The following HDLBP variants were observed in gnomAD, a reference collection of about 807,000 sequenced individuals.
The protein encoded by HDLBP is high density lipoprotein binding protein.
HDLBP carries 30 observed loss-of-function variants against 137.3 expected under a neutral mutation model. That is an observed-to-expected ratio of 0.22 (90% CI 0.16 to 0.30). The LOEUF (loss-of-function observed/expected upper bound fraction) is 0.30, where lower values mean the gene tolerates loss of function less well. HDLBP is among the 10% of genes least tolerant of loss of function. The pLI, the probability that HDLBP is intolerant of heterozygous loss-of-function variation, is 1.00. For synonymous variants in HDLBP, 606 were observed against 596.0 expected (o/e 1.02, Z -0.24); for missense variants, 1,119 against 1,667.3 (o/e 0.67, Z 5.73).
intron 2 of HDLBP, chr2:241,267,769 G>A: frequency 6.6e-7 from 1 of 1,512,384 alleles, no homozygotes; most frequent in Non-Finnish European, 8.8e-7. Flanking sequence ...CCCACAAATT[G>A]CGCTAAATGC....
rs371521787 is a variant in HDLBP, at chr2:241,229,682, A to G, written c.3726T>C (p.Pro1242=). Residue 1242 remains proline, a synonymous_variant, in exon 28 of 28, where the codon CCT becomes CCC. Transcript: ENST00000310931. ...GAAATTCCTCAGAGCTGCTCATGTC[A>G]GGAGCCTGTGCAGAGAGAGGACACG... ...PWTASSSEKA[P]DMSSSEEFPS... 3.7e-6 allele frequency: 6 copies of G among 1,614,012 alleles called. No individual in the cohort carries two copies. The African/African-American group carries it at 8.0e-5, about 22-fold the overall frequency.
chr2:241,307,276 G>A (rs977557649), intron 1 of HDLBP, among the ~76,000 whole-genome samples: 4 of 152,184 alleles, frequency 2.6e-5, no homozygotes, highest in African/African-American at 4.8e-5. Context: ...TCTGAAAAAC[G>A]CTTATTTGAA....
intron 4 of HDLBP, 65 bp downstream of exon 4, chr2:241,264,383 A>C: frequency 7.7e-7 from 1 of 1,301,718 alleles, no homozygotes; most frequent in Non-Finnish European, 1.1e-6. Context: ...AAAGAAAAAA[A>C]ATTTAAAAAT....
At chr2:241,301,927 A>C (rs2075408732) in intron 1 of HDLBP, among the ~76,000 whole-genome samples, 1 of 152,048 alleles carries the variant, frequency 6.6e-6, no homozygotes, top group Non-Finnish European at 1.5e-5. Flanking sequence ...CCTCAATTTC[A>C]AAAATGGTAA....
chr2:241,262,335 G>C (rs1559518580), intron 5 of HDLBP, among the ~76,000 whole-genome samples: 1 of 152,144 alleles, frequency 6.6e-6, no homozygotes, highest in African/African-American at 2.4e-5. Flanking sequence ...TGTAATCCCA[G>C]CTAACTGGGA....
chr2:241,241,228 G>GT (rs1559489892), intron 17 of HDLBP, among the ~76,000 whole-genome samples: 2 of 152,120 alleles, frequency 1.3e-5, no homozygotes, highest in South Asian at 2.1e-4. Flanking sequence ...AGAGAGAAAT[G>GT]TAACTGTCCA....
In HDLBP at chr2:241,272,636, G is replaced by A. The variant is rs2074185322; in HGVS notation, c.-102-4095C>T. 2.1e-6 allele frequency: 2 copies of A among 969,972 alleles called. No individual in the cohort carries two copies. The highest frequency in any genetic ancestry group is 2.4e-6 in the Non-Finnish European group (2 of 817,268). 60.1% of individuals were successfully genotyped at this position (969,972 alleles called of 1,614,324 possible). The stretch of plus-strand genomic sequence containing the variant: ...GCCTGGGGCCCGGGTGGGGGCCGCG[G>A]CACCCGGGCCCCTCCCCCTCCGCGG... On this transcript the variant is annotated intron_variant, in intron 1 of 27. Coordinates refer to ENST00000310931, the MANE Select transcript of HDLBP (RefSeq NM_005336.6). This position sits in a 1 kb window ranked among gnomAD's most constrained non-coding sequence, Gnocchi z 5.6.
intron 2 of HDLBP, chr2:241,267,825 G>A: frequency 1.4e-6 from 2 of 1,454,102 alleles, no homozygotes; most frequent in South Asian, 1.4e-5. Flanking sequence ...TCCAGGTGTG[G>A]GACAGAACTC....
intron 1 of HDLBP, chr2:241,279,866 A>G (rs56383420): frequency 0.15 from 147,400 of 969,622 alleles, 12,005 homozygotes; most frequent in Non-Finnish European, 0.16. Flanking sequence ...TAAGAACCTA[A>G]TTGTCAGTGG....
chr2:241,291,041 G>A (rs1220378852), intron 1 of HDLBP, among the ~76,000 whole-genome samples: 2 of 152,192 alleles, frequency 1.3e-5, no homozygotes, highest in East Asian at 3.9e-4. Context: ...ATCTGCAGGA[G>A]GGGAAGCTCT....
Position 241,255,591 on chromosome 2 carries a change from G to A in HDLBP, c.874-11C>T. The A allele has an allele frequency of 3.1e-6, 5 of 1,603,168 alleles. No individual in the cohort carries two copies. The highest frequency in any genetic ancestry group is 4.3e-6 in the Non-Finnish European group (5 of 1,169,998). ...TGTAGTCTTCTTTTTCTAAATAAGA[G>A]CACCATAAGGGGCAGTCAAAGGGAA... On this transcript the variant is annotated splice_polypyrimidine_tract_variant and intron_variant, in intron 7 of 27. Transcript: ENST00000310931.
chr2:241,240,292 A>AC lies in HDLBP; in HGVS notation c.2170-171dup, dbSNP rs1211669622. ...GGGGCTAGCACACCTCACTGAATAA[A>AC]CAGATGAATACCCAGACTGCACACC... On this transcript the variant is annotated intron_variant, in intron 17 of 27. Coordinates refer to ENST00000310931, the MANE Select transcript of HDLBP (RefSeq NM_005336.6). This position sits in a 1 kb window ranked among gnomAD's most constrained non-coding sequence, Gnocchi z 5.5. 3.1e-6 allele frequency: 2 copies of AC among 654,650 alleles called. No homozygotes were observed. The highest frequency in any genetic ancestry group is 3.6e-5 in the African/African-American group (2 of 55,888). The allele number at this position is 654,650 out of a possible 1,614,324, so 40.6% of individuals were successfully genotyped here.
chr2:241,264,652 A>C (rs768932414), intron 3 of HDLBP, 47 bp from the exon 4 acceptor site: 2 of 1,575,266 alleles, frequency 1.3e-6, no homozygotes, highest in Non-Finnish European at 1.7e-6. Flanking sequence ...TTTTAGCATT[A>C]CATGAAAAAC....
Position 241,272,852 on chromosome 2 carries a change from C to T in HDLBP, c.-102-4311G>A, listed in dbSNP as rs2149587910. On this transcript the variant is annotated intron_variant, in intron 1 of 27. Transcript: ENST00000310931. This position sits in a 1 kb window ranked among gnomAD's most constrained non-coding sequence, Gnocchi z 5.6. ...GCTCCGAGGCGCGGCGCCCGGGCCC[C>T]GGCTGCTATATAGGGCGGCGGCCCA... The T allele has an allele frequency of 9.8e-6, 3 of 304,912 alleles. 1 individual carries two copies. The South Asian group carries it at 3.8e-4, about 39-fold the overall frequency. The allele number at this position is 304,912 out of a possible 1,614,324, so 18.9% of individuals were successfully genotyped here.
intron 15 of HDLBP, 22 bp downstream of exon 15, chr2:241,247,034 G>C (rs779252966): frequency 6.3e-7 from 1 of 1,591,890 alleles, no homozygotes. Context: ...GAAGAAGCAA[G>C]ATGCAGCGGA....
Position 241,256,619 on chromosome 2 carries a change from A to G in HDLBP, c.638T>C (p.Leu213Ser), listed in dbSNP as rs1191854801. The G allele has an allele frequency of 6.2e-7, 1 of 1,614,096 alleles. No homozygotes were observed. Among genetic ancestry groups the G allele is most frequent in the Non-Finnish European group, 8.5e-7 (1 of 1,180,028 alleles). Residue 213 changes from leucine to serine, a missense_variant, in exon 6 of 28, where the codon TTA becomes TCA. Transcript: ENST00000310931. Reference protein sequence around the residue: ...EGIEKARHEVLLISAEQDKRA... With the variant: ...EGIEKARHEVSLISAEQDKRA... ...CCTCACCTGCTCGGCAGAGATGAGT[A>G]AGACTTCATGGCGAGCTTTCTCGAT... is the stretch of plus-strand genomic sequence containing the variant.
At chr2:241,283,526 G>C (rs2074692074) in intron 1 of HDLBP, among the ~76,000 whole-genome samples, 4 of 151,230 alleles carry the variant, frequency 2.6e-5, no homozygotes, top group Admixed American at 2.0e-4. Flanking sequence ...CCAGGCTGGA[G>C]TGCAGTGGCA....
At position 241,264,584 on chromosome 2, in the gene HDLBP, T is replaced by C. The variant is rs761945807; in HGVS notation, c.98A>G (p.Glu33Gly). 1 of 1,613,946 alleles carries C rather than the reference T, an allele frequency of 6.2e-7. No homozygotes were observed. The highest frequency in any genetic ancestry group is 1.7e-5 in the Admixed American group (1 of 60,012). Residue 33 changes from glutamate (E) to glycine (G), a missense_variant, in exon 4 of 28, where the codon GAG becomes GGG. Physicochemically the swap from Glu to Gly is moderately conservative, Grantham distance 98. Around this residue, in one of 4 missense-constraint regions of HDLBP, gnomAD observed 59 missense variants for 92.4 expected, o/e 0.64. Transcript: ENST00000310931. Reference sequence around the variant, plus strand: ...CTTGTAGGTTGGAGGGTCGCTCTCCTCTTCTGAATTTAGAGTGGCAACTGG... The same window carrying C: ...CTTGTAGGTTGGAGGGTCGCTCTCCCCTTCTGAATTTAGAGTGGCAACTGG... Reference protein sequence around the residue: ...QIKVATLNSEEESDPPTYKDA... With the variant: ...QIKVATLNSEGESDPPTYKDA...
At chr2:241,254,577 C>T (rs1289996279) in intron 9 of HDLBP, among the ~76,000 whole-genome samples, 2 of 151,846 alleles carry the variant, frequency 1.3e-5, no homozygotes, top group Non-Finnish European at 2.9e-5. Context: ...CTCCACCTCC[C>T]GGGTTCACGC....
Sources: gnomAD v4.1 joint callset for allele counts (sites outside exome capture counted in the v4.1 genomes callset) on GRCh38, gnomAD v4.1.1 for gene constraint, gnomAD v4.1.1 regional missense constraint, Gnocchi (gnomAD v3.1) non-coding constraint, MANE v1.5 for transcripts, NCBI Gene and HGNC (gene_info 2026-07-23, HGNC 2026-07-21) for gene names.